Variants in PCLO observed in about 807,000 individuals in gnomAD.
PCLO encodes protein piccolo.
PCLO carries 82 observed loss-of-function variants against 427.5 expected under a neutral mutation model. That is an observed-to-expected ratio of 0.19 (90% CI 0.16 to 0.23). The LOEUF (loss-of-function observed/expected upper bound fraction) is 0.23, where lower values mean the gene tolerates loss of function less well. PCLO is among the 10% of genes least tolerant of loss of function. PCLO has a pLI of 1.00. For synonymous variants in PCLO, 2,357 were observed against 2,155.4 expected, an observed-to-expected ratio of 1.09 and a Z score of -2.59; for missense variants, 6,239 against 6,115.9, an observed-to-expected ratio of 1.02 and a Z score of -0.67.
At chr7:83,093,555 T>C (rs1433646386) in intron 3 of PCLO, among the ~76,000 whole-genome samples, 4 of 143,280 alleles carry the variant, frequency 2.8e-5, no homozygotes, top group Admixed American at 7.2e-5. Flanking sequence ...TGCAGTGGCG[T>C]GATCTCCGCT....
chr7:83,031,308 C>T (rs1788659734), intron 3 of PCLO, among the ~76,000 whole-genome samples: 1 of 152,168 alleles, frequency 6.6e-6, no homozygotes, highest in Non-Finnish European at 1.5e-5. Flanking sequence ...GGCAACGGTA[C>T]TTTTCCTGCA....
At chr7:83,002,019 G>A (rs867165424) in intron 3 of PCLO, among the ~76,000 whole-genome samples, 1 of 152,026 alleles carries the variant, frequency 6.6e-6, no homozygotes, top group South Asian at 2.1e-4. Flanking sequence ...ACTATGATGA[G>A]TCTAGCTATA....
intron 3 of PCLO, among the ~76,000 whole-genome samples, chr7:83,128,037 C>T (rs896570641): frequency 6.6e-6 from 1 of 151,852 alleles, no homozygotes; most frequent in Non-Finnish European, 1.5e-5. Context: ...GATAAAAAGG[C>T]AATAGTAACA....
At chr7:82,939,976 C>A (rs1342260352) in intron 6 of PCLO, among the ~76,000 whole-genome samples, 2 of 151,998 alleles carry the variant, frequency 1.3e-5, no homozygotes, top group African/African-American at 4.8e-5. Flanking sequence ...ATACTTTATG[C>A]AGTCCTCTAG....
chr7:82,916,184 C>T lies in PCLO; in HGVS notation c.11802G>A (p.Met3934Ile), dbSNP rs1260535657. The T allele has an allele frequency of 1.2e-6, 2 of 1,613,436 alleles. No individual in the cohort carries two copies. Among genetic ancestry groups the T allele is most frequent in the South Asian group, 1.1e-5 (1 of 91,084 alleles). ...TQPTFQAVATMSFTPQVQPTP... is the reference protein window; with the variant it reads ...TQPTFQAVATISFTPQVQPTP... ...TAGGTTGAACTTGAGGTGTGAAGGACATTGTTGCCACAGCTTGGAATGTTG... is the reference window on the plus strand; with the variant it reads ...TAGGTTGAACTTGAGGTGTGAAGGATATTGTTGCCACAGCTTGGAATGTTG... The change falls in exon 7 of 25, where the codon ATG becomes ATA. Residue 3934 changes from methionine to isoleucine, a missense_variant. Met to Ile is a conservative substitution (Grantham distance 10). Transcript: ENST00000333891.
intron 10 of PCLO, among the ~76,000 whole-genome samples, chr7:82,853,518 T>G (rs934328645): frequency 6.6e-6 from 1 of 152,218 alleles, no homozygotes; most frequent in Admixed American, 6.5e-5. Flanking sequence ...TCTTAATTGG[T>G]TTAAAAACTA....
intron 3 of PCLO, among the ~76,000 whole-genome samples, chr7:82,987,514 T>TGAG (rs1405994330): frequency 6.6e-6 from 1 of 152,054 alleles, no homozygotes; most frequent in African/African-American, 2.4e-5. Context: ...GAAGATATAA[T>TGAG]TGCACTTACT....
intron 9 of PCLO, among the ~76,000 whole-genome samples, 175 bp from the exon 10 acceptor site, chr7:82,879,637 G>A (rs964177713): frequency 2.0e-5 from 3 of 152,170 alleles, no homozygotes; most frequent in Non-Finnish European, 2.9e-5. Context: ...ATATAAAATA[G>A]GATTTTCTGA....
chr7:83,079,157 A>C (rs11543755), intron 3 of PCLO, among the ~76,000 whole-genome samples: 35,991 of 152,040 alleles, frequency 0.24, 4,879 homozygotes, highest in East Asian at 0.56. Flanking sequence ...TTAGGACTAC[A>C]TTAAAAAATT....
At chr7:82,783,004 A>C (rs1043483975) in intron 22 of PCLO, among the ~76,000 whole-genome samples, 2 of 152,168 alleles carry the variant, frequency 1.3e-5, no homozygotes, top group East Asian at 3.9e-4. Flanking sequence ...AGAGTGCTTC[A>C]CTGAGGATGT....
intron 3 of PCLO, among the ~76,000 whole-genome samples, chr7:83,060,630 C>T (rs965781375): frequency 2.6e-5 from 4 of 152,114 alleles, no homozygotes; most frequent in African/African-American, 4.8e-5. Flanking sequence ...TAAGGCACAC[C>T]AAGGGTCAAT....
In PCLO at chr7:83,162,805, T is replaced by G. The variant is rs1420207288; in HGVS notation, c.-213A>C. The G allele has an allele frequency of 3.3e-6, 2 of 615,302 alleles. No individual in the cohort carries two copies. Among genetic ancestry groups the G allele is most frequent in the East Asian group, 6.0e-5 (2 of 33,086 alleles). The allele number at this position is 615,302 out of a possible 1,614,324, so 38.1% of individuals were successfully genotyped here. ...GCCCGCTGCCGGTGCCTCCTCCATG[T>G]TGGACAGCGCCAGGCAACCTTTGCA... On this transcript the variant is annotated 5_prime_UTR_variant, in exon 1 of 25. Coordinates refer to ENST00000333891, the MANE Select transcript of PCLO (RefSeq NM_033026.6).
chr7:82,760,608 T>A, intron 24 of PCLO, 31 bp downstream of exon 24: 1 of 1,439,794 alleles, frequency 6.9e-7, no homozygotes, highest in South Asian at 1.4e-5. Flanking sequence ...AATGAGAAGT[T>A]TCAAATATGA....
intron 10 of PCLO, among the ~76,000 whole-genome samples, chr7:82,874,485 T>C (rs1293617851): frequency 1.1e-4 from 17 of 152,282 alleles, no homozygotes; most frequent in Admixed American, 1.1e-3. Context: ...TTGACAATTG[T>C]ATTATGAATT....
intron 20 of PCLO, chr7:82,822,272 A>T: frequency 7.2e-7 from 1 of 1,387,604 alleles, no homozygotes; most frequent in Non-Finnish European, 9.3e-7. Context: ...GTGGAAACAA[A>T]GGAGAAACAG....
At chr7:83,000,283 GA>G in intron 3 of PCLO, among the ~76,000 whole-genome samples, 1 of 150,830 alleles carries the variant, frequency 6.6e-6, no homozygotes, top group Non-Finnish European at 1.5e-5. Flanking sequence ...GAGAGAGAGA[GA>G]GAGAGAGAGA....
chr7:82,787,096 A>G (rs1290725974), intron 22 of PCLO, among the ~76,000 whole-genome samples: 1 of 152,126 alleles, frequency 6.6e-6, no homozygotes, highest in East Asian at 1.9e-4. Flanking sequence ...CTTTGGGTAT[A>G]TACCCAGTAA....
chr7:82,790,023 C>T (rs950937038), intron 22 of PCLO, among the ~76,000 whole-genome samples: 1 of 152,076 alleles, frequency 6.6e-6, no homozygotes, highest in East Asian at 1.9e-4. Flanking sequence ...GTTTTATTTG[C>T]ATTTTGATTC....
chr7:82,914,401 C>G (rs956912609), intron 7 of PCLO: 1 of 532,008 alleles, frequency 1.9e-6, no homozygotes, highest in Admixed American at 3.5e-5. Flanking sequence ...ATTTTATTGA[C>G]AGAATTATTT....
Sources: gnomAD v4.1 joint callset for allele counts (sites outside exome capture counted in the v4.1 genomes callset) on GRCh38, gnomAD v4.1.1 for gene constraint, MANE v1.5 for transcripts, NCBI Gene and HGNC (gene_info 2026-07-23, HGNC 2026-07-21) for gene names.